Variants in CPNE1 observed in about 807,000 individuals in gnomAD.
CPNE1 encodes copine 1.
A neutral mutation model predicts 63.2 loss-of-function variants in CPNE1; 58 were observed. The observed-to-expected ratio is 0.92, with a 90% CI of 0.74 to 1.14. The LOEUF is 1.14. Among genes scored for constraint, CPNE1 ranks in the 50% most tolerant of loss-of-function variants. CPNE1 has a pLI of 0.00. For missense variants in CPNE1, 672 were observed against 661.7 expected, an observed-to-expected ratio of 1.02 and a Z score of -0.17; for synonymous variants, 237 against 249.0, an observed-to-expected ratio of 0.95 and a Z score of 0.45.
chr20:35,631,730 G>A lies in CPNE1; in HGVS notation c.585C>T (p.Pro195=), dbSNP rs199938294. 33 of 1,614,070 alleles carry A rather than the reference G, an allele frequency of 2.0e-5. No individual in the cohort carries two copies. Among genetic ancestry groups the A allele is most frequent in the African/African-American group, 8.0e-5 (6 of 74,990 alleles). Reference sequence around the variant, plus strand: ...GGTTCCCACCACAGAAATGCTGAACGGGGACTGAGAAACGCTTCCATGTAG... The same window carrying A: ...GGTTCCCACCACAGAAATGCTGAACAGGGACTGAGAAACGCTTCCATGTAG... The part of the protein sequence containing the change: ...LNPTWKRFSV[P]VQHFCGGNPS... The change falls in exon 7 of 16, where the codon CCC becomes CCT. Residue 195 remains proline, a synonymous_variant. Transcript: ENST00000397443.
intron 1 of CPNE1, among the ~76,000 whole-genome samples, chr20:35,655,724 C>G (rs2033856687): frequency 6.6e-6 from 1 of 151,990 alleles, no homozygotes; most frequent in African/African-American, 2.4e-5. Flanking sequence ...AAAAAACATG[C>G]AAAGAATATA....
chr20:35,631,726 G>A lies in CPNE1; in HGVS notation c.589C>T (p.Gln197Ter). Residue 197 changes from glutamine (Q) to a stop codon, truncating the protein, a stop_gained, in exon 7 of 16, where the codon CAG (glutamine) becomes TAG (stop). Transcript: ENST00000397443. LOFTEE classifies it high-confidence loss of function. ...PTWKRFSVPV[Q>*]HFCGGNPSTP... ...CTGGGGTTCCCACCACAGAAATGCT[G>A]AACGGGGACTGAGAAACGCTTCCAT... is the stretch of plus-strand genomic sequence containing the variant. 6.2e-7 allele frequency: 1 copy of A among 1,614,078 alleles called. No homozygotes were observed. The highest frequency in any genetic ancestry group is 8.5e-7 in the Non-Finnish European group (1 of 1,180,004).
chr20:35,659,077 CCA>C (rs1402243567), intron 1 of CPNE1: 2 of 683,238 alleles, frequency 2.9e-6, no homozygotes, highest in Non-Finnish European at 5.4e-6. Flanking sequence ...CACGCACAGG[CCA>C]CACTGTACAT....
chr20:35,663,945 G>A (rs2034386212), intron 1 of CPNE1, among the ~76,000 whole-genome samples: 1 of 152,136 alleles, frequency 6.6e-6, no homozygotes, highest in African/African-American at 2.4e-5. Flanking sequence ...TCGTCCTCCT[G>A]AAATGCCACA....
At chr20:35,640,451 TA>T (rs938851243) in intron 1 of CPNE1, among the ~76,000 whole-genome samples, 7 of 152,000 alleles carry the variant, frequency 4.6e-5, no homozygotes, top group African/African-American at 7.3e-5. Flanking sequence ...TTTGAGTCAA[TA>T]AAAAAAATTT....
At chr20:35,631,469 C>A (rs749493535) in intron 8 of CPNE1, 23 bp downstream of exon 8, 2 of 1,612,336 alleles carry the variant, frequency 1.2e-6, no homozygotes, top group East Asian at 2.2e-5. Context: ...CATTTCCACA[C>A]CCCTGGCAAG....
chr20:35,628,233 C>T (rs887280022), intron 13 of CPNE1, among the ~76,000 whole-genome samples: 8 of 151,478 alleles, frequency 5.3e-5, no homozygotes, highest in Admixed American at 5.3e-4. Context: ...TGCAGTGAGC[C>T]AAGATCGCGC....
At position 35,650,773 on chromosome 20, in the gene CPNE1, T is replaced by C. The variant is rs41303791; in HGVS notation, c.-1+13987A>G. The C allele has an allele frequency of 5.9e-3, 899 of 152,724 alleles. 6 individuals carry two copies. Among genetic ancestry groups the C allele is most frequent in the Middle Eastern group, 0.014 (4 of 294 alleles). The allele number at this position is 152,724 out of a possible 1,614,324, so 9.5% of individuals were successfully genotyped here. Reference sequence around the variant, plus strand: ...TTATCAAATGAAACTGTTGCCACTCTTAAATTACACAACCGCTGTATTTCA... The same window carrying C: ...TTATCAAATGAAACTGTTGCCACTCCTAAATTACACAACCGCTGTATTTCA... On this transcript the variant is annotated intron_variant, in intron 1 of 15. Coordinates refer to ENST00000397443, the MANE Select transcript of CPNE1 (RefSeq NM_152925.3).
chr20:35,651,087 A>T (rs1040483924), intron 1 of CPNE1: 1 of 152,216 alleles, frequency 6.6e-6, no homozygotes, highest in Non-Finnish European at 1.5e-5. Flanking sequence ...CATCACAAGG[A>T]AAGTAACCAT....
chr20:35,640,488 C>T, intron 1 of CPNE1, among the ~76,000 whole-genome samples: 1 of 152,066 alleles, frequency 6.6e-6, no homozygotes, highest in East Asian at 1.9e-4. Flanking sequence ...GATATTTGTG[C>T]ACTCTTTCAT....
chr20:35,630,975 G>A lies in CPNE1; in HGVS notation c.921C>T (p.Tyr307=), dbSNP rs1448617007. 4 of 1,614,128 alleles carry A rather than the reference G, an allele frequency of 2.5e-6. No individual in the cohort carries two copies. Residue 307 remains tyrosine (Y), a synonymous_variant, in exon 11 of 16, where the codon TAC becomes TAT. Coordinates refer to ENST00000397443, the MANE Select transcript of CPNE1 (RefSeq NM_152925.3). ...ACTCATTGACCCCTGTTGGACTCAG[G>A]TAGTGTAGGGAGTCAGGTGAGGAGG... is the stretch of plus-strand genomic sequence containing the variant. ...GDPSSPDSLH[Y]LSPTGVNEYL...
intron 1 of CPNE1, among the ~76,000 whole-genome samples, chr20:35,661,676 G>A (rs2034238500): frequency 1.3e-5 from 2 of 152,164 alleles, no homozygotes; most frequent in Admixed American, 1.3e-4. Context: ...ATTATGGCAA[G>A]ACAGACTTTC....
At chr20:35,639,771 C>G (rs1321161376) in intron 1 of CPNE1, among the ~76,000 whole-genome samples, 1 of 152,222 alleles carries the variant, frequency 6.6e-6, no homozygotes, top group Non-Finnish European at 1.5e-5. Context: ...TCTCACTCCA[C>G]GACTTCTCAA....
intron 13 of CPNE1, 26 bp downstream of exon 13, chr20:35,630,413 G>A: frequency 4.3e-6 from 7 of 1,609,420 alleles, no homozygotes; most frequent in Non-Finnish European, 5.1e-6. Context: ...GGACAGACCT[G>A]CCTCAGGGTG....
At chr20:35,653,443 A>G (rs1443257118) in intron 1 of CPNE1, 1 of 1,613,942 alleles carries the variant, frequency 6.2e-7, no homozygotes, top group Admixed American at 1.7e-5. Flanking sequence ...ATTTTTCTCA[A>G]TCTCTCTCAT....
At chr20:35,655,263 G>A (rs759366778) in intron 1 of CPNE1, 20 of 1,612,690 alleles carry the variant, frequency 1.2e-5, no homozygotes, top group Admixed American at 1.7e-5. Flanking sequence ...AGAAGAAGTG[G>A]CGAATGTCCA....
At chr20:35,654,046 T>C (rs199668260) in intron 1 of CPNE1, 1 of 1,614,200 alleles carries the variant, frequency 6.2e-7, no homozygotes, top group East Asian at 2.2e-5. Context: ...ACCAGCCTCA[T>C]GTGGTGATCT....
intron 1 of CPNE1, among the ~76,000 whole-genome samples, chr20:35,646,715 G>A (rs2033126331): frequency 6.6e-6 from 1 of 152,130 alleles, no homozygotes. Flanking sequence ...CCATCAAGTA[G>A]CCCATTTGAA....
rs1319915889 is a variant in CPNE1 at position 35,652,835 on chromosome 20, C to T, written c.-1+11925G>A. 5 of 1,607,082 alleles carry T rather than the reference C, an allele frequency of 3.1e-6. No individual in the cohort carries two copies. Among genetic ancestry groups the T allele is most frequent in the East Asian group, 2.2e-5 (1 of 44,840 alleles). On this transcript the variant is annotated intron_variant, in intron 1 of 15. Transcript: ENST00000397443. The stretch of plus-strand genomic sequence containing the variant: ...ATTGGGCCAGGGCCGGGGCCGGGGC[C>T]GGGGCCAGGCCCAAAAGCTGGTGGC...
Sources: gnomAD v4.1 joint callset for allele counts (sites outside exome capture counted in the v4.1 genomes callset) on GRCh38, gnomAD v4.1.1 for gene constraint, MANE v1.5 for transcripts, NCBI Gene and HGNC (gene_info 2026-07-23, HGNC 2026-07-21) for gene names.